MIB1: variants seen among roughly 807,000 people sequenced by gnomAD.
MIB1 encodes E3 ubiquitin-protein ligase MIB1.
A neutral mutation model predicts 124.5 loss-of-function variants in MIB1; 278 were observed. The observed-to-expected ratio is 2.23, with a 90% CI of 2.02 to 2.47. The LOEUF (loss-of-function observed/expected upper bound fraction) is 2.47, where lower values mean the gene tolerates loss of function less well. Among genes scored for constraint, MIB1 ranks in the 30% most tolerant of loss-of-function variants. The pLI, the probability that MIB1 is intolerant of heterozygous loss-of-function variation, is 0.00. For missense variants in MIB1, 957 were observed against 1,254.4 expected, an observed-to-expected ratio of 0.76 and a Z score of 3.58; for synonymous variants, 446 against 429.4, an observed-to-expected ratio of 1.04 and a Z score of -0.48.
At chr18:21,709,741 T>G (rs561321148) in intron 1 of MIB1, among the ~76,000 whole-genome samples, 1 of 152,280 alleles carries the variant, frequency 6.6e-6, no homozygotes, top group South Asian at 2.1e-4. Flanking sequence ...ATGCAAATGT[T>G]TACCTCAAGC....
At chr18:21,850,735 A>G (rs551970383) in intron 17 of MIB1, among the ~76,000 whole-genome samples, 2 of 152,304 alleles carry the variant, frequency 1.3e-5, no homozygotes, top group East Asian at 3.9e-4. Flanking sequence ...TGTATTAAAT[A>G]GGTGTTAACC....
At chr18:21,724,874 C>T (rs1197307559) in intron 1 of MIB1, among the ~76,000 whole-genome samples, 2 of 144,832 alleles carry the variant, frequency 1.4e-5, no homozygotes, top group Middle Eastern at 3.3e-3. Flanking sequence ...GGGCGGATCA[C>T]GAGGTCAGGA....
At chr18:21,794,881 G>GA (rs1239990848) in intron 7 of MIB1, among the ~76,000 whole-genome samples, 1 of 149,980 alleles carries the variant, frequency 6.7e-6, no homozygotes, top group Non-Finnish European at 1.5e-5. Flanking sequence ...ACTGTGCTAT[G>GA]AATATGTGAG....
At chr18:21,735,866 G>A (rs200980374), upstream of MIB1, among the ~76,000 whole-genome samples, 5 of 152,234 alleles carry the variant, frequency 3.3e-5, no homozygotes, top group East Asian at 7.7e-4. Context: ...AAAAAAGGCA[G>A]CAGCCCCAGT....
upstream of MIB1, among the ~76,000 whole-genome samples, chr18:21,739,939 AAC>A (rs2040825419): frequency 2.7e-5 from 4 of 146,586 alleles, no homozygotes; most frequent in Admixed American, 6.7e-5. Flanking sequence ...AAAAAACAAC[AAC>A]AAAAAAAACC....
intron 1 of MIB1, chr18:21,711,868 CT>C (rs1258978025): frequency 6.6e-6 from 1 of 151,506 alleles, no homozygotes; most frequent in Non-Finnish European, 1.5e-5. Context: ...TAAGTTTTTT[CT>C]TTTTTATAGA....
intron 1 of MIB1, among the ~76,000 whole-genome samples, chr18:21,749,363 A>G (rs2040947715): frequency 6.6e-6 from 1 of 152,164 alleles, no homozygotes; most frequent in Non-Finnish European, 1.5e-5. Flanking sequence ...TAATAGTTAA[A>G]AAATATATTA....
intron 20 of MIB1, 50 bp downstream of exon 20, chr18:21,858,696 T>A (rs751407259): frequency 5.4e-6 from 5 of 933,354 alleles, no homozygotes; most frequent in Non-Finnish European, 8.8e-6. Flanking sequence ...CACTGAATAT[T>A]TTCCCGTAAA....
intron 1 of MIB1, among the ~76,000 whole-genome samples, chr18:21,742,539 T>TA (rs1232255314): frequency 6.6e-6 from 1 of 152,226 alleles, no homozygotes; most frequent in Non-Finnish European, 1.5e-5. Flanking sequence ...GTCAGAATCT[T>TA]ACTCATTCAC....
chr18:21,716,720 C>T (rs985677049), intron 1 of MIB1, among the ~76,000 whole-genome samples: 9 of 152,054 alleles, frequency 5.9e-5, no homozygotes, highest in African/African-American at 9.7e-5. Context: ...GGCATGGTGG[C>T]GGGCGCCTAT....
chr18:21,716,353 T>C (rs2040689662), intron 1 of MIB1, among the ~76,000 whole-genome samples: 2 of 152,126 alleles, frequency 1.3e-5, no homozygotes, highest in African/African-American at 4.8e-5. Context: ...CTATAAGAAC[T>C]ACTAAAAGGA....
intron 6 of MIB1, among the ~76,000 whole-genome samples, chr18:21,780,943 G>T (rs1345774587): frequency 6.6e-6 from 1 of 152,034 alleles, no homozygotes; most frequent in Admixed American, 6.6e-5. Flanking sequence ...AGTTTTTTGA[G>T]GAACCTCCAT....
At chr18:21,709,211 A>G (rs1386531691) in intron 1 of MIB1, among the ~76,000 whole-genome samples, 3 of 151,038 alleles carry the variant, frequency 2.0e-5, no homozygotes, top group African/African-American at 4.9e-5. Flanking sequence ...TCAGCTACTC[A>G]GGAGGCTGAG....
At chr18:21,705,175 T>TACCAA (rs1173351860) in intron 1 of MIB1, 1 of 152,464 alleles carries the variant, frequency 6.6e-6, no homozygotes, top group East Asian at 1.9e-4. Context: ...AAAGATATGT[T>TACCAA]AGCAGGTAAG....
chr18:21,838,299 T>A, intron 12 of MIB1, 66 bp from the exon 13 acceptor site: 1 of 1,170,816 alleles, frequency 8.5e-7, no homozygotes, highest in Admixed American at 2.7e-5. Flanking sequence ...TTCATTTGAT[T>A]GCAAACTTTT....
At chr18:21,758,554 A>C (rs1345222168) in intron 1 of MIB1, among the ~76,000 whole-genome samples, 1 of 149,912 alleles carries the variant, frequency 6.7e-6, no homozygotes, top group African/African-American at 2.5e-5. Flanking sequence ...TTTTTTTTTG[A>C]GACAGAGTCT....
chr18:21,725,356 C>T (rs1358102156), intron 1 of MIB1, among the ~76,000 whole-genome samples: 4 of 152,084 alleles, frequency 2.6e-5, no homozygotes, highest in Admixed American at 2.0e-4. Flanking sequence ...GTGAGACCGC[C>T]TGTGGAGTCC....
rs138079123 is a variant in MIB1 at position 21,849,324 on chromosome 18, C to G, written c.2522C>G (p.Ser841Cys). 2 of 1,613,092 alleles carry G rather than the reference C, an allele frequency of 1.2e-6. No homozygotes were observed. Among genetic ancestry groups the G allele is most frequent in the Admixed American group, 1.7e-5 (1 of 59,918 alleles). ...CCATGTGGACATATTGCTACCTGTT[C>G]TTTATGTTCTCCACGTGTCAAGAAA... ...FGPCGHIATCSLCSPRVKKCL... is the reference protein window; with the variant it reads ...FGPCGHIATCCLCSPRVKKCL... Residue 841 changes from serine to cysteine, a missense_variant, in exon 17 of 21, where the codon TCT (serine) becomes TGT (cysteine). By Grantham distance (112) the Ser-to-Cys change is moderately radical. Transcript: ENST00000261537.
intron 1 of MIB1, among the ~76,000 whole-genome samples, chr18:21,744,119 T>C (rs977193076): frequency 6.9e-6 from 1 of 144,876 alleles, no homozygotes; most frequent in Admixed American, 6.9e-5. Flanking sequence ...TTTTTTTTTT[T>C]AGAACTGAGC....
Sources: allele counts gnomAD v4.1 joint callset (sites outside exome capture counted in the v4.1 genomes callset), GRCh38; gene constraint gnomAD v4.1.1; transcripts MANE v1.5; gene names NCBI Gene and HGNC (gene_info 2026-07-23, HGNC 2026-07-21).